The following ARHGEF9 variants were observed in gnomAD, a reference collection of about 807,000 sequenced individuals.
The protein encoded by ARHGEF9 is rho guanine nucleotide exchange factor 9.
In ARHGEF9, 2 loss-of-function variants were observed where a neutral mutation model predicts 41.3. The observed-to-expected ratio is 0.05, with a 90% confidence interval of 0.02 to 0.15. The LOEUF (loss-of-function observed/expected upper bound fraction) is 0.15. Among genes scored for constraint, ARHGEF9 ranks in the 10% least tolerant of loss-of-function variants. The pLI is 1.00. For synonymous variants in ARHGEF9, 160 were observed against 154.4 expected (o/e 1.04, Z -0.27); for missense variants, 225 against 424.7 (o/e 0.53, Z 4.13).
chrX:63,671,276 G>T, intron 6 of ARHGEF9: 1 of 111,657 alleles, frequency 9.0e-6, no homozygotes, highest in East Asian at 2.8e-4. Flanking sequence ...CAGGTGGAAT[G>T]CACAAAGAAC....
intron 1 of ARHGEF9, among the ~76,000 whole-genome samples, chrX:63,773,210 T>C (rs2056233171): frequency 1.8e-5 from 2 of 112,112 alleles, no homozygotes; most frequent in East Asian, 2.8e-4. Context: ...TTAAAAGCAA[T>C]GATATCTTAA....
rs781999770 is a variant in ARHGEF9 at position 63,644,146 on chromosome X, CAT to C, written c.1322-100_1322-99del. 141 of 498,546 alleles carry C rather than the reference CAT, an allele frequency of 2.8e-4. 3 individuals are homozygous for C. In the East Asian group the frequency reaches 5.8e-3, roughly 20 times the overall value. 41.1% of individuals were successfully genotyped at this position (498,546 alleles called of 1,213,427 possible). A position where few individuals can be genotyped will look rare whatever the true frequency, so the allele number is the denominator to read the frequency against. On this transcript the variant is annotated intron_variant, in intron 8 of 9. Transcript: ENST00000671741. ...TTTCTGTAAGAAAGATTTGCTAAGA[CAT>C]ATAAAAAATCTTGAAATACAAAAAA...
chrX:63,683,969 C>T (rs1174924320), intron 4 of ARHGEF9, among the ~76,000 whole-genome samples: 1 of 110,119 alleles, frequency 9.1e-6, no homozygotes, highest in Non-Finnish European at 1.9e-5. Context: ...ACAAGTGGGA[C>T]TGCATCAAAT....
At chrX:63,735,579 T>C (rs565754784) in intron 1 of ARHGEF9, among the ~76,000 whole-genome samples, 14 of 111,437 alleles carry the variant, frequency 1.3e-4, no homozygotes, top group Middle Eastern at 9.3e-3. Flanking sequence ...GAACTAAGGG[T>C]CCTAACGTCG....
chrX:63,754,379 T>TTC, intron 1 of ARHGEF9: 1 of 1,206,675 alleles, frequency 8.3e-7, no homozygotes, highest in Non-Finnish European at 1.1e-6. Context: ...AGCTTGTTCT[T>TTC]TCTCTCTCTT....
chrX:63,710,626 C>A (rs543007574), intron 2 of ARHGEF9, among the ~76,000 whole-genome samples: 4 of 110,377 alleles, frequency 3.6e-5, no homozygotes, highest in South Asian at 3.8e-4. Context: ...AAATCCAACA[C>A]CCTTTCATGA....
At chrX:63,655,796 G>A (rs1441099695) in intron 7 of ARHGEF9, 59 bp from the exon 8 acceptor site, 1 of 1,154,009 alleles carries the variant, frequency 8.7e-7, no homozygotes, top group Non-Finnish European at 1.2e-6. Flanking sequence ...TAGAAGAGTT[G>A]GCACAGGGGC....
intron 4 of ARHGEF9, among the ~76,000 whole-genome samples, chrX:63,689,537 A>C (rs1556379346): frequency 8.9e-6 from 1 of 112,243 alleles, no homozygotes; most frequent in African/African-American, 3.2e-5. Flanking sequence ...ACAGACTACA[A>C]CACCATAATA....
chrX:63,776,877 C>T lies in ARHGEF9; in HGVS notation c.30+8239G>A, dbSNP rs1284692398. 2.7e-5 allele frequency among the ~76,000 whole-genome samples: 3 copies of T among 111,502 alleles called. No homozygotes were observed. The East Asian group carries it at 8.5e-4, about 32-fold the overall frequency. On this transcript the variant is annotated intron_variant, in intron 1 of 9. Transcript: ENST00000671741. ...AACTTCAACTGTCATCAATACCTCC[C>T]AATCCCTCTGAGCTCAATATCTGAT...
At chrX:63,764,052 T>C (rs182604344) in intron 1 of ARHGEF9, among the ~76,000 whole-genome samples, 179 of 112,089 alleles carry the variant, frequency 1.6e-3, no homozygotes, top group African/African-American at 5.5e-3. Context: ...TGGAGGAACA[T>C]TGTTGCAATG....
chrX:63,699,177 T>C (rs1460164166), intron 3 of ARHGEF9, among the ~76,000 whole-genome samples: 1 of 111,745 alleles, frequency 8.9e-6, no homozygotes, highest in Non-Finnish European at 1.9e-5. Context: ...CAACATTAAA[T>C]GGGAGTGAAG....
At chrX:63,702,736 T>C (rs2052268476) in intron 3 of ARHGEF9, among the ~76,000 whole-genome samples, 1 of 112,067 alleles carries the variant, frequency 8.9e-6, no homozygotes, top group African/African-American at 3.2e-5. Flanking sequence ...GAGTAAGACA[T>C]GCTTCCAATG....
At chrX:63,676,927 T>C (rs1159980126) in intron 5 of ARHGEF9, among the ~76,000 whole-genome samples, 1 of 112,652 alleles carries the variant, frequency 8.9e-6, no homozygotes, top group African/African-American at 3.2e-5. Flanking sequence ...ATTTGCATTG[T>C]TGCAGAAAGT....
At chrX:63,665,491 A>G (rs1467782276) in intron 7 of ARHGEF9, among the ~76,000 whole-genome samples, 19 of 113,185 alleles carry the variant, frequency 1.7e-4, no homozygotes, top group Non-Finnish European at 3.4e-4. Context: ...ACATGGCCAG[A>G]GCCATTAGAG....
At chrX:63,719,901 G>A (rs2053541664) in intron 2 of ARHGEF9, 1 of 288,155 alleles carries the variant, frequency 3.5e-6, no homozygotes, top group African/African-American at 2.8e-5. Flanking sequence ...TGCCCACTTG[G>A]GACAAGGGAT....
intron 1 of ARHGEF9, among the ~76,000 whole-genome samples, chrX:63,762,134 C>T (rs782247037): frequency 2.2e-4 from 24 of 111,620 alleles, no homozygotes; most frequent in African/African-American, 6.8e-4. Context: ...TCCTGAGCCT[C>T]ATAACTCATT....
intron 7 of ARHGEF9, among the ~76,000 whole-genome samples, chrX:63,660,650 T>C (rs1215680524): frequency 8.9e-6 from 1 of 112,140 alleles, no homozygotes; most frequent in Non-Finnish European, 1.9e-5. Flanking sequence ...TGCTTTTGTT[T>C]ACAATGTGCT....
chrX:63,645,260 G>A (rs1485810623), intron 8 of ARHGEF9, among the ~76,000 whole-genome samples: 5 of 108,827 alleles, frequency 4.6e-5, no homozygotes, highest in African/African-American at 1.3e-4. Flanking sequence ...TAAGTTTTAG[G>A]GCACATGTGC....
chrX:63,648,498 G>A (rs1395869049), intron 8 of ARHGEF9, among the ~76,000 whole-genome samples: 3 of 111,383 alleles, frequency 2.7e-5, no homozygotes, highest in Non-Finnish European at 5.6e-5. Context: ...GCAAAAGCAC[G>A]CCAAATTGTA....
Sources: allele counts gnomAD v4.1 joint callset (sites outside exome capture counted in the v4.1 genomes callset), GRCh38; gene constraint gnomAD v4.1.1; transcripts MANE v1.5; gene names NCBI Gene and HGNC (gene_info 2026-07-23, HGNC 2026-07-21).